Variants in STK39 observed in about 807,000 individuals in gnomAD.
STK39 encodes STE20/SPS1-related proline-alanine-rich protein kinase.
STK39 carries 20 observed loss-of-function variants against 77.8 expected under a neutral mutation model. The ratio of observed to expected loss-of-function variants is 0.26; its 90% confidence interval spans 0.18 to 0.37. The LOEUF (loss-of-function observed/expected upper bound fraction) is 0.37, where lower values mean the gene tolerates loss of function less well. STK39 is among the 10% of genes least tolerant of loss of function. STK39 has a pLI of 1.00. For missense variants in STK39, 479 were observed against 656.5 expected, an observed-to-expected ratio of 0.73 and a Z score of 2.95; for synonymous variants, 246 against 234.1, an observed-to-expected ratio of 1.05 and a Z score of -0.47.
intron 2 of STK39, among the ~76,000 whole-genome samples, chr2:168,168,677 C>T (rs1328124036): frequency 1.3e-5 from 2 of 152,154 alleles, no homozygotes; most frequent in Non-Finnish European, 2.9e-5. Context: ...CTCATACGTT[C>T]CTTAACATAT....
At chr2:167,964,756 T>C in intron 16 of STK39, 30 bp from the exon 17 acceptor site, 1 of 1,572,148 alleles carries the variant, frequency 6.4e-7, no homozygotes, top group Non-Finnish European at 8.7e-7. Context: ...AGAGAAAGTT[T>C]CCAGATTATT....
intron 14 of STK39, among the ~76,000 whole-genome samples, chr2:168,043,452 C>T (rs981739663): frequency 3.9e-5 from 6 of 152,088 alleles, no homozygotes; most frequent in East Asian, 1.9e-4. Flanking sequence ...AAACAAACAA[C>T]CCCCAAAATG....
chr2:168,189,411 TA>T (rs5836177), intron 1 of STK39, among the ~76,000 whole-genome samples: 54,881 of 146,948 alleles, frequency 0.37, 10,486 homozygotes, highest in East Asian at 0.54. Flanking sequence ...AAGCAACAAC[TA>T]AAAAAAAAAA....
At chr2:167,975,537 C>T (rs776011167) in intron 16 of STK39, among the ~76,000 whole-genome samples, 13 of 152,170 alleles carry the variant, frequency 8.5e-5, no homozygotes, top group Non-Finnish European at 1.5e-4. Context: ...GACTGTAGGC[C>T]GGGCACGGTG....
chr2:168,037,298 C>A (rs548007293), intron 14 of STK39, among the ~76,000 whole-genome samples: 21 of 152,232 alleles, frequency 1.4e-4, no homozygotes, highest in African/African-American at 5.1e-4. Flanking sequence ...TAAGAGGAAA[C>A]CAAATGATAG....
At position 168,066,040 on chromosome 2, in the gene STK39, C is replaced by A. The variant is rs372375889; in HGVS notation, c.1243-659G>T. ...CAAAAAACAACACCAACAACAACAA[C>A]AAAAAAAACCTCAAAGAGAAACAGC... On this transcript the variant is annotated intron_variant, in intron 12 of 17. Coordinates refer to ENST00000355999, the MANE Select transcript of STK39 (RefSeq NM_013233.3). 9.2e-5 allele frequency among the ~76,000 whole-genome samples: 14 copies of A among 151,540 alleles called. No individual in the cohort carries two copies. In the South Asian group the frequency reaches 1.5e-3, roughly 16 times the overall value.
chr2:167,983,495 AG>A (rs1448448273), intron 16 of STK39, among the ~76,000 whole-genome samples: 7 of 142,500 alleles, frequency 4.9e-5, no homozygotes, highest in Non-Finnish European at 8.9e-5. Flanking sequence ...GAAGGAAGGA[AG>A]GAAGGAAGGA....
chr2:167,991,160 G>A (rs147755908), intron 16 of STK39, among the ~76,000 whole-genome samples: 1 of 152,276 alleles, frequency 6.6e-6, no homozygotes, highest in East Asian at 1.9e-4. Flanking sequence ...ATGTTGTAAT[G>A]GCCAACCAAG....
chr2:168,168,904 A>G (rs1043836674), intron 2 of STK39, among the ~76,000 whole-genome samples: 8 of 152,264 alleles, frequency 5.3e-5, no homozygotes, highest in African/African-American at 1.9e-4. Flanking sequence ...AATCACTCAA[A>G]CCCGGGAAGT....
At chr2:168,132,253 T>A (rs1273518641) in intron 8 of STK39, among the ~76,000 whole-genome samples, 1 of 152,130 alleles carries the variant, frequency 6.6e-6, no homozygotes, top group African/African-American at 2.4e-5. Context: ...ATGAAAAAAC[T>A]CAAGGCCCTG....
chr2:167,996,017 A>G (rs1443807570), intron 16 of STK39, among the ~76,000 whole-genome samples: 1 of 152,118 alleles, frequency 6.6e-6, no homozygotes, highest in African/African-American at 2.4e-5. Context: ...TTGTATTTTC[A>G]TCTTGCACTG....
chr2:168,017,355 C>T (rs10194407), intron 14 of STK39, among the ~76,000 whole-genome samples: 50 of 147,786 alleles, frequency 3.4e-4, no homozygotes, highest in African/African-American at 1.2e-3. Flanking sequence ...TTTATAAAAT[C>T]TGCACTAAAC....
At chr2:168,021,570 T>C (rs1684572749) in intron 14 of STK39, among the ~76,000 whole-genome samples, 1 of 152,168 alleles carries the variant, frequency 6.6e-6, no homozygotes. Flanking sequence ...AAGCTGAAAA[T>C]AGGTATGATT....
intron 1 of STK39, among the ~76,000 whole-genome samples, chr2:168,216,566 G>A: frequency 6.6e-6 from 1 of 152,306 alleles, no homozygotes; most frequent in African/African-American, 2.4e-5. Context: ...GACAGTCCAG[G>A]AGAAGGGGCT....
chr2:168,235,491 T>C (rs1391340822), intron 1 of STK39, among the ~76,000 whole-genome samples: 1 of 151,912 alleles, frequency 6.6e-6, no homozygotes, highest in African/African-American at 2.4e-5. Flanking sequence ...AGGGTACATG[T>C]GTACAATGTG....
At chr2:168,139,361 C>CCA (rs1353540768) in intron 7 of STK39, among the ~76,000 whole-genome samples, 12 of 148,962 alleles carry the variant, frequency 8.1e-5, no homozygotes, top group South Asian at 6.3e-4. Context: ...GTATATGTAC[C>CCA]CACACACACA....
chr2:168,210,011 A>T (rs1369497238), intron 1 of STK39, among the ~76,000 whole-genome samples: 1 of 141,720 alleles, frequency 7.1e-6, no homozygotes, highest in East Asian at 2.0e-4. Flanking sequence ...AAAAAAAAAA[A>T]ATAGGAAAGA....
intron 17 of STK39, among the ~76,000 whole-genome samples, chr2:167,957,198 A>G (rs3769427): frequency 0.18 from 27,512 of 152,140 alleles, 2,929 homozygotes; most frequent in East Asian, 0.28. Flanking sequence ...ATGCTTATGT[A>G]AAAAAGTCAC....
chr2:168,055,130 G>T (rs141374694), intron 14 of STK39, among the ~76,000 whole-genome samples: 70 of 152,254 alleles, frequency 4.6e-4, no homozygotes, highest in African/African-American at 1.6e-3. Flanking sequence ...TGAACACTAT[G>T]CCTACACTAT....
Sources: gnomAD v4.1 joint callset for allele counts (sites outside exome capture counted in the v4.1 genomes callset) on GRCh38, gnomAD v4.1.1 for gene constraint, MANE v1.5 for transcripts, NCBI Gene and HGNC (gene_info 2026-07-23, HGNC 2026-07-21) for gene names.